TAFA2: variants seen among roughly 807,000 people sequenced by gnomAD.
TAFA2 encodes the protein chemokine-like protein TAFA-2.
TAFA2 carries 7 observed loss-of-function variants against 18.8 expected under a neutral mutation model. The observed-to-expected ratio is 0.37, with a 90% CI of 0.21 to 0.70. The LOEUF is 0.70. Among genes scored for constraint, TAFA2 ranks in the 30% least tolerant of loss-of-function variants. The pLI, the probability that TAFA2 is intolerant of heterozygous loss-of-function variation, is 0.53. For synonymous variants in TAFA2, 60 were observed against 54.2 expected (o/e 1.11, Z -0.47); for missense variants, 122 against 158.1 (o/e 0.77, Z 1.23).
chr12:61,849,279 C>T (rs61942613), intron 2 of TAFA2, among the ~76,000 whole-genome samples: 3,043 of 152,228 alleles, frequency 0.02, 72 homozygotes, highest in Middle Eastern at 0.037. Flanking sequence ...ATGTTTCACC[C>T]AAGTGCATTC....
intron 1 of TAFA2, among the ~76,000 whole-genome samples, chr12:61,954,445 T>C (rs1878581725): frequency 6.6e-6 from 1 of 152,142 alleles, no homozygotes; most frequent in Non-Finnish European, 1.5e-5. Context: ...AATTTAAAGT[T>C]AATTGCTTGA....
intron 4 of TAFA2, among the ~76,000 whole-genome samples, chr12:61,718,458 C>T (rs1869757323): frequency 1.3e-5 from 2 of 152,124 alleles, no homozygotes; most frequent in African/African-American, 4.8e-5. Context: ...GGTACCCCAA[C>T]ACACACACAC....
chr12:61,865,986 T>C (rs1874337911), intron 2 of TAFA2, among the ~76,000 whole-genome samples: 2 of 152,212 alleles, frequency 1.3e-5, no homozygotes, highest in African/African-American at 4.8e-5. Context: ...CTTCGTTCTT[T>C]GGTCTTGTTG....
rs1164960087 is a variant in TAFA2, at chr12:61,944,282, C to A, written c.-1-76856G>T. 4.1e-3 allele frequency among the ~76,000 whole-genome samples: 605 copies of A among 148,510 alleles called. 2 individuals carry two copies. The highest frequency in any genetic ancestry group is 0.015 in the African/African-American group (571 of 38,294). ...GAGAACAAAGACACAACATACCAGA[C>A]TCTCTGGGACACATTCAAAGCAGTG... On this transcript the variant is annotated intron_variant, in intron 1 of 4. Coordinates refer to ENST00000416284, the MANE Select transcript of TAFA2 (RefSeq NM_178539.5).
intron 2 of TAFA2, among the ~76,000 whole-genome samples, chr12:61,768,346 C>G (rs1869877361): frequency 6.6e-6 from 1 of 152,114 alleles, no homozygotes; most frequent in Admixed American, 6.6e-5. Context: ...CTAGGCAGCT[C>G]CCACTCGGAT....
At chr12:61,937,170 G>A (rs896213446) in intron 1 of TAFA2, among the ~76,000 whole-genome samples, 2 of 152,056 alleles carry the variant, frequency 1.3e-5, no homozygotes, top group Non-Finnish European at 2.9e-5. Flanking sequence ...CGAACAAATG[G>A]AAATGCATCC....
chr12:62,235,247 A>G (rs1203591821), intron 1 of TAFA2: 1 of 661,168 alleles, frequency 1.5e-6, no homozygotes, highest in Non-Finnish European at 2.8e-6. Context: ...GCAGTGGCAT[A>G]CTGAACTGTG....
intron 1 of TAFA2, among the ~76,000 whole-genome samples, chr12:62,125,245 T>TA (rs1870402503): frequency 6.6e-6 from 1 of 152,056 alleles, no homozygotes; most frequent in Non-Finnish European, 1.5e-5. Flanking sequence ...TCTGGAGTCC[T>TA]CACCCTTAGA....
chr12:62,036,969 C>A (rs1881627664), intron 1 of TAFA2, among the ~76,000 whole-genome samples: 1 of 152,150 alleles, frequency 6.6e-6, no homozygotes, highest in Non-Finnish European at 1.5e-5. Context: ...TCTTGCTATT[C>A]CAATTCTGCT....
At chr12:61,740,338 T>C (rs1301549914) in intron 4 of TAFA2, among the ~76,000 whole-genome samples, 1 of 151,784 alleles carries the variant, frequency 6.6e-6, no homozygotes, top group Non-Finnish European at 1.5e-5. Context: ...CTGTCAGAGT[T>C]GGGAGGCAAG....
At chr12:62,161,418 G>T (rs1453157736) in intron 1 of TAFA2, among the ~76,000 whole-genome samples, 1 of 152,180 alleles carries the variant, frequency 6.6e-6, no homozygotes, top group Non-Finnish European at 1.5e-5. Flanking sequence ...GGATGGAACT[G>T]AAGATCATTA....
chr12:61,926,906 A>G (rs1013211570), intron 1 of TAFA2, among the ~76,000 whole-genome samples: 3 of 151,800 alleles, frequency 2.0e-5, no homozygotes, highest in Non-Finnish European at 4.4e-5. Flanking sequence ...TCCTGTCTCT[A>G]CTTTAAAAAA....
chr12:62,062,578 T>A (rs1333862924), intron 1 of TAFA2, among the ~76,000 whole-genome samples: 1 of 152,158 alleles, frequency 6.6e-6, no homozygotes, highest in East Asian at 1.9e-4. Context: ...ATGGAGACGT[T>A]AACACACCTG....
At chr12:61,726,195 A>G (rs1486211445) in intron 4 of TAFA2, among the ~76,000 whole-genome samples, 1 of 151,432 alleles carries the variant, frequency 6.6e-6, no homozygotes, top group Non-Finnish European at 1.5e-5. Flanking sequence ...TTTTTTCTAT[A>G]TGTTTTATCT....
At chr12:61,935,403 C>T (rs1877721543) in intron 1 of TAFA2, among the ~76,000 whole-genome samples, 1 of 152,106 alleles carries the variant, frequency 6.6e-6, no homozygotes. Flanking sequence ...GCCATTTAAT[C>T]CTTGAACCAA....
chr12:61,859,654 G>A (rs745753411), intron 2 of TAFA2, among the ~76,000 whole-genome samples: 1 of 152,128 alleles, frequency 6.6e-6, no homozygotes, highest in Non-Finnish European at 1.5e-5. Context: ...GTATTGGCCA[G>A]GCTGGTCTCA....
At chr12:61,968,181 C>A (rs892627589) in intron 1 of TAFA2, among the ~76,000 whole-genome samples, 1 of 151,660 alleles carries the variant, frequency 6.6e-6, no homozygotes, top group Admixed American at 6.6e-5. Context: ...CTGGTCTGAC[C>A]TTATTTTCTT....
intron 1 of TAFA2, among the ~76,000 whole-genome samples, chr12:62,212,501 T>G (rs1332820240): frequency 6.6e-6 from 1 of 152,196 alleles, no homozygotes; most frequent in Admixed American, 6.5e-5. Context: ...TAGACACTTT[T>G]CGAGCTTGCA....
intron 4 of TAFA2, among the ~76,000 whole-genome samples, chr12:61,718,523 T>C (rs1427852338): frequency 1.3e-5 from 2 of 152,118 alleles, no homozygotes. Context: ...ATGGTGAAAG[T>C]CAACAGCATA....
Sources: gnomAD v4.1 joint callset for allele counts (sites outside exome capture counted in the v4.1 genomes callset) on GRCh38, gnomAD v4.1.1 for gene constraint, MANE v1.5 for transcripts, NCBI Gene and HGNC (gene_info 2026-07-23, HGNC 2026-07-21) for gene names.